The following FGF6 variants were observed in gnomAD, a reference collection of about 807,000 sequenced individuals.
The protein encoded by FGF6 is FGF-6.
FGF6 carries 14 observed loss-of-function variants against 18.4 expected under a neutral mutation model. The observed-to-expected ratio is 0.76, with a 90% CI of 0.50 to 1.19. The LOEUF (loss-of-function observed/expected upper bound fraction) is 1.19. Ranked by LOEUF, FGF6 falls within the 50% of genes most tolerant of loss-of-function variation. The pLI, the probability that FGF6 is intolerant of heterozygous loss-of-function variation, is 0.00. For synonymous variants in FGF6, 125 were observed against 116.7 expected, an observed-to-expected ratio of 1.07 and a Z score of -0.46; for missense variants, 266 against 271.6, an observed-to-expected ratio of 0.98 and a Z score of 0.15.
intron 1 of FGF6, 103 bp from the exon 2 acceptor site, chr12:4,444,339 CCA>C: frequency 1.3e-6 from 1 of 745,126 alleles, no homozygotes; most frequent in Non-Finnish European, 2.3e-6. Flanking sequence ...TCCTAGAAAG[CCA>C]GACTCTCCAT....
chr12:4,444,031 T>G, intron 2 of FGF6, 102 bp downstream of exon 2: 1 of 742,714 alleles, frequency 1.3e-6, no homozygotes, highest in Non-Finnish European at 2.3e-6. Context: ...TCCTTTCCCA[T>G]TTAGATAGTC....
chr12:4,439,950 G>T (rs1349548365), intron 2 of FGF6, among the ~76,000 whole-genome samples: 1 of 152,156 alleles, frequency 6.6e-6, no homozygotes. Context: ...AGGCTGATGG[G>T]ATTTTCCCGA....
In FGF6 at chr12:4,434,211, G is replaced by C. The variant is rs1456516469; in HGVS notation, c.*4C>G. 2 of 1,613,410 alleles carry C rather than the reference G, an allele frequency of 1.2e-6. No homozygotes were observed. The highest frequency in any genetic ancestry group is 3.3e-5 in the Admixed American group (2 of 59,962). ...TAAATCTGTGAGCCTTCTTTTGTGG[G>C]TCCTTAGATCCTGGGAAGGAAATGA... On this transcript the variant is annotated 3_prime_UTR_variant, in exon 3 of 3. Coordinates refer to ENST00000228837, the MANE Select transcript of FGF6 (RefSeq NM_020996.3).
intron 2 of FGF6, among the ~76,000 whole-genome samples, chr12:4,441,156 T>C (rs1381806534): frequency 2.0e-5 from 3 of 152,194 alleles, no homozygotes; most frequent in African/African-American, 7.2e-5. Context: ...CAGGTGGAGA[T>C]CCTTGATATT....
chr12:4,445,720 C>T lies in FGF6; in HGVS notation c.-150G>A, dbSNP rs1865757940. On this transcript the variant is annotated 5_prime_UTR_variant, in exon 1 of 3. Coordinates refer to ENST00000228837, the MANE Select transcript of FGF6 (RefSeq NM_020996.3). The surrounding 1 kb of genome is among the most constrained non-coding windows in gnomAD (Gnocchi z 5.5). Reference sequence around the variant, plus strand: ...GAAACCAAAGCCTCCATCGGGCACTCGGGTTGAGAGCAGAGGGACCCAGGC... The same window carrying T: ...GAAACCAAAGCCTCCATCGGGCACTTGGGTTGAGAGCAGAGGGACCCAGGC... 2 of 672,718 alleles carry T rather than the reference C, an allele frequency of 3.0e-6. No individual in the cohort carries two copies. Among genetic ancestry groups the T allele is most frequent in the South Asian group, 3.9e-5 (2 of 50,988 alleles). The allele number at this position is 672,718 out of a possible 1,614,324, so 41.7% of individuals were successfully genotyped here.
In FGF6 at chr12:4,434,682, T is replaced by C. The variant is rs192840393; in HGVS notation, c.451-291A>G. Among the ~76,000 whole-genome samples, 36 of 152,324 alleles carry C rather than the reference T, an allele frequency of 2.4e-4. No homozygotes were observed. The East Asian group carries it at 6.4e-3, about 27-fold the overall frequency. On this transcript the variant is annotated intron_variant, in intron 2 of 2. Transcript: ENST00000228837. ...GCCACATGGGGTAGAGCTGAGGCTC[T>C]ACCACTCAGGTGTCCTGACTTCCAG... is the stretch of plus-strand genomic sequence containing the variant.
At chr12:4,436,840 C>T (rs1262078225) in intron 2 of FGF6, among the ~76,000 whole-genome samples, 9 of 152,272 alleles carry the variant, frequency 5.9e-5, no homozygotes, top group South Asian at 4.1e-4. Context: ...AATGTGAAGG[C>T]GTTCACTAGC....
At chr12:4,434,775 AG>A (rs1298197168) in intron 2 of FGF6, among the ~76,000 whole-genome samples, 25 of 152,286 alleles carry the variant, frequency 1.6e-4, no homozygotes, top group African/African-American at 5.8e-4. Context: ...AAATGACACA[AG>A]CTGTTTTCTC....
At chr12:4,441,192 C>A (rs1865685779) in intron 2 of FGF6, among the ~76,000 whole-genome samples, 1 of 152,148 alleles carries the variant, frequency 6.6e-6, no homozygotes, top group African/African-American at 2.4e-5. Context: ...CAAAGGGGAC[C>A]AAGGGGGCTA....
intron 2 of FGF6, among the ~76,000 whole-genome samples, chr12:4,441,223 C>T (rs1865686084): frequency 6.6e-6 from 1 of 152,236 alleles, no homozygotes; most frequent in Non-Finnish European, 1.5e-5. Context: ...ATTTCTGCCT[C>T]ATCCTCAGAG....
Position 4,444,202 on chromosome 12 carries a change from C to G in FGF6, c.381G>C (p.Val127=). The part of the protein sequence containing the change: ...LLEISTVERG[V]VSLFGVRSAL... ...CACTTCTCACTCCAAAGAGACTCACCACGCCTCGCTCCACAGTGGAAATTT... is the reference window on the plus strand; with the variant it reads ...CACTTCTCACTCCAAAGAGACTCACGACGCCTCGCTCCACAGTGGAAATTT... The change falls in exon 2 of 3, where the codon GTG becomes GTC. Residue 127 remains valine (V), a synonymous_variant. Coordinates refer to ENST00000228837, the MANE Select transcript of FGF6 (RefSeq NM_020996.3). 1.9e-6 allele frequency: 3 copies of G among 1,613,948 alleles called. No homozygotes were observed. Among genetic ancestry groups the G allele is most frequent in the Admixed American group, 1.7e-5 (1 of 60,008 alleles).
intron 2 of FGF6, among the ~76,000 whole-genome samples, chr12:4,441,254 G>C (rs1865686541): frequency 6.6e-6 from 1 of 152,198 alleles, no homozygotes; most frequent in South Asian, 2.1e-4. Flanking sequence ...CAGGCCCAGA[G>C]AAGTTCAGTG....
intron 2 of FGF6, among the ~76,000 whole-genome samples, chr12:4,442,077 G>T (rs1313423910): frequency 6.6e-6 from 1 of 151,920 alleles, no homozygotes; most frequent in Non-Finnish European, 1.5e-5. Flanking sequence ...GGTAGGAGGG[G>T]TGGGAGGGTG....
At chr12:4,444,038 A>T in intron 2 of FGF6, 95 bp downstream of exon 2, 1 of 763,212 alleles carries the variant, frequency 1.3e-6, no homozygotes, top group Non-Finnish European at 2.2e-6. Context: ...CCATTTAGAT[A>T]GTCACTTCTC....
chr12:4,436,846 C>T (rs941361148), intron 2 of FGF6, among the ~76,000 whole-genome samples: 3 of 152,238 alleles, frequency 2.0e-5, no homozygotes, highest in African/African-American at 7.2e-5. Context: ...AAGGCGTTCA[C>T]TAGCCATGTC....
In FGF6 at chr12:4,434,332, G is replaced by A. The variant is rs562570503; in HGVS notation, c.510C>T (p.Ala170=). The A allele has an allele frequency of 5.0e-6, 8 of 1,614,152 alleles. No individual in the cohort carries two copies. The Admixed American group carries it at 1.2e-4, about 24-fold the overall frequency. Residue 170 remains alanine (A), a synonymous_variant, in exon 3 of 3, where the codon GCC becomes GCT. Transcript: ENST00000228837. ...TCCCTTGGTACAAGTCTGACTCGTA[G>A]GCATTGTAATTGTTGGGCAGGAGGG... is the stretch of plus-strand genomic sequence containing the variant. The part of the protein sequence containing the change: ...RETLLPNNYN[A]YESDLYQGTY...
intron 2 of FGF6, among the ~76,000 whole-genome samples, chr12:4,438,751 C>CACAAA (rs1865652731): frequency 2.5e-5 from 1 of 39,732 alleles, no homozygotes; most frequent in Non-Finnish European, 4.2e-5. Flanking sequence ...GACTCTATCT[C>CACAAA]AAAAAAAAAA....
chr12:4,440,433 C>T (rs1020993174), intron 2 of FGF6, among the ~76,000 whole-genome samples: 19 of 152,178 alleles, frequency 1.2e-4, no homozygotes, highest in Admixed American at 7.9e-4. Flanking sequence ...CCCTGTTCCT[C>T]CTGGCAGTGT....
At chr12:4,444,572 C>A (rs1354349627) in intron 1 of FGF6, among the ~76,000 whole-genome samples, 1 of 152,150 alleles carries the variant, frequency 6.6e-6, no homozygotes, top group African/African-American at 2.4e-5. Flanking sequence ...AAAATAAATT[C>A]TGATTCTTCT....
Sources: gnomAD v4.1 joint callset for allele counts (sites outside exome capture counted in the v4.1 genomes callset) on GRCh38, gnomAD v4.1.1 for gene constraint, Gnocchi (gnomAD v3.1) non-coding constraint, MANE v1.5 for transcripts, NCBI Gene and HGNC (gene_info 2026-07-23, HGNC 2026-07-21) for gene names.